HS3ST5: variants seen among roughly 807,000 people sequenced by gnomAD.
HS3ST5 encodes the protein heparan sulfate glucosamine 3-O-sulfotransferase 5.
A neutral mutation model predicts 25.4 loss-of-function variants in HS3ST5; 10 were observed. That is an observed-to-expected ratio of 0.39 (90% CI 0.24 to 0.67). The LOEUF (loss-of-function observed/expected upper bound fraction) is 0.67. Ranked by LOEUF, HS3ST5 falls within the 30% of genes least tolerant of loss-of-function variation. HS3ST5 has a pLI of 0.44. For synonymous variants in HS3ST5, 170 were observed against 162.4 expected, an observed-to-expected ratio of 1.05 and a Z score of -0.36; for missense variants, 324 against 420.7, an observed-to-expected ratio of 0.77 and a Z score of 2.01.
intron 1 of HS3ST5, among the ~76,000 whole-genome samples, chr6:114,273,217 G>T (rs903963951): frequency 1.3e-5 from 2 of 151,988 alleles, no homozygotes; most frequent in African/African-American, 4.8e-5. Flanking sequence ...GAGCCAACAA[G>T]GTAATCCTGA....
chr6:114,262,213 T>G (rs1033376164), intron 1 of HS3ST5, among the ~76,000 whole-genome samples: 2 of 152,214 alleles, frequency 1.3e-5, no homozygotes, highest in African/African-American at 4.8e-5. Flanking sequence ...GACAACTTTG[T>G]ATCTCGTCTC....
intron 2 of HS3ST5, among the ~76,000 whole-genome samples, chr6:114,223,929 T>G (rs1393604012): frequency 6.6e-6 from 1 of 151,692 alleles, no homozygotes; most frequent in Admixed American, 6.6e-5. Flanking sequence ...CTTGGGATGT[T>G]TTCAGAAGTT....
chr6:114,084,291 G>T, intron 3 of HS3ST5: 1 of 787,772 alleles, frequency 1.3e-6, no homozygotes, highest in South Asian at 1.3e-5. Flanking sequence ...TAGTCACAGA[G>T]GGCACCTGCA....
At chr6:114,336,075 C>T (rs543776834) in intron 1 of HS3ST5, among the ~76,000 whole-genome samples, 2 of 152,264 alleles carry the variant, frequency 1.3e-5, no homozygotes, top group South Asian at 4.2e-4. Context: ...AGTAAGAGAA[C>T]CCATGTTTTA....
chr6:114,070,622 T>G (rs1359869363), intron 3 of HS3ST5, among the ~76,000 whole-genome samples: 1 of 152,192 alleles, frequency 6.6e-6, no homozygotes, highest in Non-Finnish European at 1.5e-5. Flanking sequence ...TGTAAGATCT[T>G]GATTAAATCT....
chr6:114,071,321 T>C (rs1267010336), intron 3 of HS3ST5, among the ~76,000 whole-genome samples: 1 of 152,216 alleles, frequency 6.6e-6, no homozygotes, highest in Admixed American at 6.5e-5. Context: ...GGATGCTTGC[T>C]CTCCCTCCCA....
intron 1 of HS3ST5, among the ~76,000 whole-genome samples, chr6:114,233,425 A>T (rs1260109025): frequency 6.6e-6 from 1 of 151,300 alleles, no homozygotes; most frequent in Non-Finnish European, 1.5e-5. Flanking sequence ...CTATAAGATT[A>T]GAAATGACCC....
At chr6:114,145,964 A>G (rs1358376453) in intron 3 of HS3ST5, among the ~76,000 whole-genome samples, 3 of 152,194 alleles carry the variant, frequency 2.0e-5, no homozygotes, top group Non-Finnish European at 4.4e-5. Flanking sequence ...AGGAAAGTAC[A>G]TTTTCCTAAT....
intron 1 of HS3ST5, among the ~76,000 whole-genome samples, chr6:114,250,737 C>T (rs1361476072): frequency 6.6e-6 from 1 of 152,154 alleles, no homozygotes; most frequent in Admixed American, 6.5e-5. Context: ...TTCATACTAT[C>T]AGCTATAACT....
At chr6:114,239,859 A>G (rs987230260) in intron 1 of HS3ST5, among the ~76,000 whole-genome samples, 2 of 152,186 alleles carry the variant, frequency 1.3e-5, no homozygotes, top group Admixed American at 1.3e-4. Context: ...ACATTCATGC[A>G]TTTGTTCATC....
chr6:114,230,181 T>C (rs893580431), intron 1 of HS3ST5: 2 of 137,300 alleles, frequency 1.5e-5, no homozygotes, highest in African/African-American at 5.6e-5. Flanking sequence ...TGGAGAATAA[T>C]GGGACAGGAG....
chr6:114,339,924 C>T (rs1776755772), intron 1 of HS3ST5, among the ~76,000 whole-genome samples: 2 of 152,340 alleles, frequency 1.3e-5, no homozygotes, highest in Middle Eastern at 3.4e-3. Flanking sequence ...AGCCACTGCT[C>T]TACAGTTCTA....
At chr6:114,164,662 T>C (rs1779123979) in intron 3 of HS3ST5, among the ~76,000 whole-genome samples, 1 of 152,174 alleles carries the variant, frequency 6.6e-6, no homozygotes, top group Admixed American at 6.5e-5. Flanking sequence ...AATACAATTC[T>C]TAAAACATCT....
At chr6:114,269,282 A>C (rs1385780110) in intron 1 of HS3ST5, among the ~76,000 whole-genome samples, 3 of 152,166 alleles carry the variant, frequency 2.0e-5, no homozygotes, top group Non-Finnish European at 4.4e-5. Context: ...ACACAGCTTT[A>C]TGTAACAGAG....
chr6:114,265,282 C>G (rs190447699), intron 1 of HS3ST5, among the ~76,000 whole-genome samples: 8 of 152,146 alleles, frequency 5.3e-5, no homozygotes, highest in Admixed American at 5.2e-4. Context: ...TGATGTGTAA[C>G]TCTGCTGAGA....
At chr6:114,129,206 G>A (rs1470650724) in intron 3 of HS3ST5, among the ~76,000 whole-genome samples, 1 of 151,368 alleles carries the variant, frequency 6.6e-6, no homozygotes. Flanking sequence ...CTTCCCAGGA[G>A]CTGGAGATGC....
rs887628127 is a variant in HS3ST5, at chr6:114,084,466, A to T, written c.-32-21589T>A. On this transcript the variant is annotated intron_variant, in intron 3 of 4. Coordinates refer to ENST00000312719, the MANE Select transcript of HS3ST5 (RefSeq NM_153612.4). Reference sequence around the variant, plus strand: ...TCTGTAGAAGTAGAGATCAGGCATGACCTCCCGCGGGTATTCACGGGAAAT... The same window carrying T: ...TCTGTAGAAGTAGAGATCAGGCATGTCCTCCCGCGGGTATTCACGGGAAAT... 10 of 756,706 alleles carry T rather than the reference A, an allele frequency of 1.3e-5. No homozygotes were observed. The African/African-American group carries it at 1.7e-4, about 13-fold the overall frequency. The allele number at this position is 756,706 out of a possible 1,614,324, so 46.9% of individuals were successfully genotyped here. A position where few individuals can be genotyped will look rare whatever the true frequency, so the allele number is the denominator to read the frequency against.
intron 3 of HS3ST5, among the ~76,000 whole-genome samples, chr6:114,157,975 C>G (rs1191714909): frequency 6.6e-6 from 1 of 152,126 alleles, no homozygotes; most frequent in Non-Finnish European, 1.5e-5. Context: ...CCCCACTCCT[C>G]CCTAACCTGA....
intron 1 of HS3ST5, among the ~76,000 whole-genome samples, chr6:114,320,112 A>T (rs1474735231): frequency 6.6e-6 from 1 of 152,140 alleles, no homozygotes; most frequent in Admixed American, 6.6e-5. Flanking sequence ...TGGTGGCATG[A>T]GTACTCTGTA....
Sources: gnomAD v4.1 joint callset for allele counts (sites outside exome capture counted in the v4.1 genomes callset) on GRCh38, gnomAD v4.1.1 for gene constraint, MANE v1.5 for transcripts, NCBI Gene and HGNC (gene_info 2026-07-23, HGNC 2026-07-21) for gene names.